KNG1: variants seen among roughly 807,000 people sequenced by gnomAD.
KNG1 encodes the protein kininogen-1.
KNG1 carries 23 observed loss-of-function variants against 47.8 expected under a neutral mutation model. The ratio of observed to expected loss-of-function variants is 0.48; its 90% CI spans 0.35 to 0.68. The LOEUF (loss-of-function observed/expected upper bound fraction) is 0.68, where lower values mean the gene tolerates loss of function less well. KNG1 is among the 30% of genes least tolerant of loss of function. The pLI is 0.01. For missense variants in KNG1, 762 were observed against 790.2 expected, an observed-to-expected ratio of 0.96 and a Z score of 0.43; for synonymous variants, 277 against 277.0, an observed-to-expected ratio of 1.00 and a Z score of 0.00.
At chr3:186,722,308 T>C (rs1333804656) in intron 2 of KNG1, 129 bp from the exon 3 acceptor site, 1 of 741,958 alleles carries the variant, frequency 1.3e-6, no homozygotes, top group East Asian at 2.7e-5. Flanking sequence ...GTCTCAAAAC[T>C]CTTTTGGTAA....
Position 186,741,540 on chromosome 3 carries a change from C to G in KNG1, c.1144C>G (p.Pro382Ala), listed in dbSNP as rs1315553353. 6.2e-7 allele frequency: 1 copy of G among 1,609,948 alleles called. No homozygotes were observed. Among genetic ancestry groups the G allele is most frequent in the Non-Finnish European group, 8.5e-7 (1 of 1,178,974 alleles). ...TGTTTAGATCTCACTGATGAAAAGG[C>G]CTCCAGGTTTTTCACCTTTCCGATC... ...PLGMISLMKR[P>A]PGFSPFRSSR... Residue 382 changes from proline (P) to alanine (A), a missense_variant, in exon 10 of 10, where the codon CCT becomes GCT. By Grantham distance (27) the Pro-to-Ala change is conservative. Transcript: ENST00000644859.
intron 2 of KNG1, 58 bp from the exon 3 acceptor site, chr3:186,722,379 T>C: frequency 1.5e-6 from 2 of 1,345,642 alleles, no homozygotes; most frequent in Non-Finnish European, 2.1e-6. Flanking sequence ...GCAACAGTAT[T>C]AGGTAGACTT....
chr3:186,732,488 C>T lies in KNG1; in HGVS notation c.758-14C>T. 1.2e-6 allele frequency: 2 copies of T among 1,613,840 alleles called. No individual in the cohort carries two copies. Among genetic ancestry groups the T allele is most frequent in the Non-Finnish European group, 1.7e-6 (2 of 1,179,776 alleles). On this transcript the variant is annotated splice_polypyrimidine_tract_variant and intron_variant, in intron 6 of 9. Coordinates refer to ENST00000644859, the MANE Select transcript of KNG1 (RefSeq NM_001102416.3). ...CTTCAGTGTACATGTTGACTTAAAA[C>T]CTGATCCTTTCAGGGAAGGATTTTG...
At chr3:186,724,202 T>C (rs1247289443) in intron 3 of KNG1, among the ~76,000 whole-genome samples, 1 of 152,138 alleles carries the variant, frequency 6.6e-6, no homozygotes. Flanking sequence ...TTACCAACAG[T>C]GCATTAGAGT....
chr3:186,738,808 T>G (rs553966358), intron 7 of KNG1: 9 of 334,552 alleles, frequency 2.7e-5, no homozygotes, highest in South Asian at 2.3e-4. Flanking sequence ...ATCGTGCCAC[T>G]GCACTCCAGC....
intron 5 of KNG1, among the ~76,000 whole-genome samples, chr3:186,730,374 A>G (rs973222268): frequency 1.1e-4 from 17 of 151,876 alleles, no homozygotes; most frequent in African/African-American, 4.1e-4. Flanking sequence ...AAATATTTGT[A>G]TGATACTGGC....
At position 186,739,312 on chromosome 3, in the gene KNG1, C is replaced by T. The variant is rs1173699811; in HGVS notation, c.1039-16C>T. On this transcript the variant is annotated splice_polypyrimidine_tract_variant and intron_variant, in intron 8 of 9. Coordinates refer to ENST00000644859, the MANE Select transcript of KNG1 (RefSeq NM_001102416.3). Reference sequence around the variant, plus strand: ...AATAACACTGTCTCTCTTTCGACTTCTGTTTTCATGGATAGCAAAGCCTAG... The same window carrying T: ...AATAACACTGTCTCTCTTTCGACTTTTGTTTTCATGGATAGCAAAGCCTAG... 2 of 1,609,514 alleles carry T rather than the reference C, an allele frequency of 1.2e-6. No homozygotes were observed.
At chr3:186,719,476 C>T (rs1244892561) in intron 1 of KNG1, among the ~76,000 whole-genome samples, 3 of 152,168 alleles carry the variant, frequency 2.0e-5, no homozygotes, top group Non-Finnish European at 4.4e-5. Context: ...CGCGGTGGCT[C>T]ATGCCTGTAA....
intron 3 of KNG1, 27 bp from the exon 4 acceptor site, chr3:186,725,061 C>G (rs200328706): frequency 1.9e-5 from 30 of 1,612,874 alleles, no homozygotes; most frequent in Non-Finnish European, 2.5e-5. Context: ...ATCATTAATG[C>G]TGTGTTTTTG....
rs200328865 is a variant in KNG1, at chr3:186,735,627, A to AT, written c.930+2954dup. 2.5e-3 allele frequency among the ~76,000 whole-genome samples: 370 copies of AT among 148,622 alleles called. 1 individual carries two copies. Among genetic ancestry groups the AT allele is most frequent in the African/African-American group, 7.7e-3 (316 of 40,966 alleles). ...GAGTGAAACTCCATCTCAAAAAATA[A>AT]TAAAAAAAAAAAAGAATTAAAAAAT... On this transcript the variant is annotated intron_variant, in intron 7 of 9. Coordinates refer to ENST00000644859, the MANE Select transcript of KNG1 (RefSeq NM_001102416.3).
intron 5 of KNG1, among the ~76,000 whole-genome samples, chr3:186,729,835 G>A (rs1720465857): frequency 6.6e-6 from 1 of 152,092 alleles, no homozygotes; most frequent in Admixed American, 6.5e-5. Context: ...ACCACGGCCG[G>A]CTAGTTTTGT....
intron 6 of KNG1, among the ~76,000 whole-genome samples, chr3:186,732,110 C>T (rs146461079): frequency 8.5e-5 from 13 of 152,226 alleles, no homozygotes; most frequent in African/African-American, 3.1e-4. Flanking sequence ...AGTTGGAAAA[C>T]GTTTGTATGC....
chr3:186,739,221 A>C lies in KNG1; in HGVS notation c.1038+15A>C. The C allele has an allele frequency of 6.3e-7, 1 of 1,595,170 alleles. No homozygotes were observed. The highest frequency in any genetic ancestry group is 8.6e-7 in the Non-Finnish European group (1 of 1,162,742). On this transcript the variant is annotated intron_variant, in intron 8 of 9. Transcript: ENST00000644859. ...AAAAACTTGGCGTGAGTAGTCATGCACCTGTCTACTTTTTCACTGGAAGCC... is the reference window on the plus strand; with the variant it reads ...AAAAACTTGGCGTGAGTAGTCATGCCCCTGTCTACTTTTTCACTGGAAGCC...
In KNG1 at chr3:186,717,479, T is replaced by C. The variant is rs1720013271; in HGVS notation, c.-64T>C. On this transcript the variant is annotated 5_prime_UTR_variant, in exon 1 of 10. Transcript: ENST00000644859. ...AGGCTGGAGATTGTCAAATTCAGTA[T>C]CCCAGTTGGCTCTTGATTCTTGGTG... The C allele has an allele frequency of 1.0e-5, 12 of 1,186,432 alleles. No individual in the cohort carries two copies. Among genetic ancestry groups the C allele is most frequent in the Non-Finnish European group, 1.1e-5 (9 of 792,784 alleles). 73.5% of individuals were successfully genotyped at this position (1,186,432 alleles called of 1,614,324 possible).
At chr3:186,719,102 T>G (rs1720109757) in intron 1 of KNG1, among the ~76,000 whole-genome samples, 1 of 152,180 alleles carries the variant, frequency 6.6e-6, no homozygotes, top group Admixed American at 6.5e-5. Flanking sequence ...TCTTTCATAA[T>G]CTAGTACAGT....
intron 7 of KNG1, among the ~76,000 whole-genome samples, chr3:186,734,354 C>T (rs1020554060): frequency 6.6e-6 from 1 of 152,086 alleles, no homozygotes; most frequent in Non-Finnish European, 1.5e-5. Flanking sequence ...TTAAAAGCAT[C>T]TTTGTGCGGA....
At chr3:186,735,395 A>C (rs1017101943) in intron 7 of KNG1, among the ~76,000 whole-genome samples, 2 of 152,148 alleles carry the variant, frequency 1.3e-5, no homozygotes, top group Non-Finnish European at 2.9e-5. Context: ...AGGCAGGTGG[A>C]TCACCTGAGG....
At chr3:186,725,386 T>C in intron 4 of KNG1, 126 bp downstream of exon 4, 1 of 924,234 alleles carries the variant, frequency 1.1e-6, no homozygotes, top group Non-Finnish European at 1.7e-6. Flanking sequence ...AAGAGCTTTC[T>C]CCTTAGTCAA....
At chr3:186,717,840 C>G in intron 1 of KNG1, 103 bp downstream of exon 1, 1 of 674,120 alleles carries the variant, frequency 1.5e-6, no homozygotes, top group Non-Finnish European at 2.6e-6. Flanking sequence ...GCACCCACCA[C>G]CACCACCCAC....
Sources: gnomAD v4.1 joint callset for allele counts (sites outside exome capture counted in the v4.1 genomes callset) on GRCh38, gnomAD v4.1.1 for gene constraint, MANE v1.5 for transcripts, NCBI Gene and HGNC (gene_info 2026-07-23, HGNC 2026-07-21) for gene names.